Variants in MICALL1 observed in about 807,000 individuals in gnomAD.
MICALL1 encodes the protein MICAL like 1, also known as MICAL-like protein 1.
In MICALL1, 61 loss-of-function variants were observed where a neutral mutation model predicts 83.7. That is an observed-to-expected ratio of 0.73 (90% confidence interval 0.59 to 0.90). The LOEUF is 0.90. MICALL1 is among the 40% of genes least tolerant of loss of function. The probability of loss-of-function intolerance (pLI) is 0.00; values close to 1 mark genes in which losing one functional copy is unlikely to be tolerated. For synonymous variants in MICALL1, 481 were observed against 473.6 expected, an observed-to-expected ratio of 1.02 and a Z score of -0.20; for missense variants, 1,066 against 1,152.0, an observed-to-expected ratio of 0.93 and a Z score of 1.08.
In MICALL1 at chr22:37,931,850, C is replaced by G. The variant is rs1395626781; in HGVS notation, c.1933C>G (p.Pro645Ala). Residue 645 changes from proline to alanine, a missense_variant, in exon 10 of 16, where the codon CCA (proline) becomes GCA (alanine). By Grantham distance (27) the Pro-to-Ala change is conservative. Coordinates refer to ENST00000215957, the MANE Select transcript of MICALL1 (RefSeq NM_033386.4). ...FNRKPSPAASPATKKATKGSK... is the reference protein window; with the variant it reads ...FNRKPSPAASAATKKATKGSK... ...CCGGAAGCCATCACCTGCAGCGTCC[C>G]CAGCCACAAAGAAGGCCACCAAGGG... 1 of 1,614,032 alleles carries G rather than the reference C, an allele frequency of 6.2e-7. No homozygotes were observed. Among genetic ancestry groups the G allele is most frequent in the Non-Finnish European group, 8.5e-7 (1 of 1,180,034 alleles).
chr22:37,937,672 C>T, intron 14 of MICALL1, 74 bp from the exon 15 acceptor site: 2 of 1,525,366 alleles, frequency 1.3e-6, no homozygotes, highest in Non-Finnish European at 1.8e-6. Flanking sequence ...GATCCACCCA[C>T]CTTGGCCTCC....
At chr22:37,939,424 C>T (rs960375138) in intron 15 of MICALL1, among the ~76,000 whole-genome samples, 16 of 152,252 alleles carry the variant, frequency 1.1e-4, no homozygotes, top group African/African-American at 3.6e-4. Context: ...GCTCTGACAG[C>T]GTTTGTGTTG....
At chr22:37,909,722 C>A (rs559792350) in intron 1 of MICALL1, among the ~76,000 whole-genome samples, 1 of 152,192 alleles carries the variant, frequency 6.6e-6, no homozygotes, top group Non-Finnish European at 1.5e-5. Context: ...AGGGTGGCTC[C>A]GCTTCTGAGA....
At chr22:37,934,383 G>T (rs990786943) in intron 13 of MICALL1, among the ~76,000 whole-genome samples, 1 of 152,032 alleles carries the variant, frequency 6.6e-6, no homozygotes, top group African/African-American at 2.4e-5. Flanking sequence ...TGTAGACTGG[G>T]GACATAACTT....
intron 3 of MICALL1, among the ~76,000 whole-genome samples, chr22:37,916,585 C>A (rs964976371): frequency 5.3e-5 from 8 of 152,156 alleles, no homozygotes; most frequent in Non-Finnish European, 1.2e-4. Flanking sequence ...TTGGAGCCTG[C>A]CCCTGGCTGA....
Position 37,925,853 on chromosome 22 carries a change from C to T in MICALL1, c.1275C>T (p.Asn425=). The stretch of plus-strand genomic sequence containing the variant: ...CCAGCCTGGAGTCCAAACCCTATAA[C>T]CCCTTTGAGGAGGAGGAGGAGGACA... ...PTASLESKPY[N]PFEEEEEDKE... is the part of the protein sequence containing the mutation. Residue 425 remains asparagine, a synonymous_variant, in exon 8 of 16, where the codon AAC becomes AAT. Transcript: ENST00000215957. 3 of 1,613,932 alleles carry T rather than the reference C, an allele frequency of 1.9e-6. No homozygotes were observed. Among genetic ancestry groups the T allele is most frequent in the South Asian group, 1.1e-5 (1 of 91,084 alleles).
Position 37,927,404 on chromosome 22 carries a change from C to T in MICALL1, c.1466-7C>T, listed in dbSNP as rs747553706. 19 of 1,567,166 alleles carry T rather than the reference C, an allele frequency of 1.2e-5. No individual in the cohort carries two copies. The highest frequency in any genetic ancestry group is 8.6e-5 in the Admixed American group (5 of 58,052). On this transcript the variant is annotated splice_region_variant and splice_polypyrimidine_tract_variant and intron_variant, in intron 8 of 15. Transcript: ENST00000215957. ...CTTGTGAGGTGTCCTGGTGCTCGTCCGCACAGCTCTCCACGCCTCCCGCCT... is the reference window on the plus strand; with the variant it reads ...CTTGTGAGGTGTCCTGGTGCTCGTCTGCACAGCTCTCCACGCCTCCCGCCT...
intron 1 of MICALL1, among the ~76,000 whole-genome samples, chr22:37,909,380 A>G (rs1254974694): frequency 8.5e-6 from 1 of 117,194 alleles, no homozygotes; most frequent in African/African-American, 3.5e-5. Context: ...TTTTTTTGAG[A>G]CGGAGTCTCG....
chr22:37,937,259 T>C (rs527881947), intron 14 of MICALL1, 65 bp downstream of exon 14: 15 of 1,109,946 alleles, frequency 1.4e-5, no homozygotes, highest in Non-Finnish European at 1.7e-5. Flanking sequence ...CTGGGCCTCA[T>C]GGGTGGGGCA....
chr22:37,908,088 A>C (rs1265819258), intron 1 of MICALL1, among the ~76,000 whole-genome samples: 4 of 152,062 alleles, frequency 2.6e-5, no homozygotes, highest in Non-Finnish European at 5.9e-5. Context: ...GCATCAAAGT[A>C]AATAAAGGCC....
Position 37,937,801 on chromosome 22 carries a change from C to G in MICALL1, c.2470+9C>G, listed in dbSNP as rs1278043130. 1.2e-6 allele frequency: 2 copies of G among 1,613,148 alleles called. No individual in the cohort carries two copies. The highest frequency in any genetic ancestry group is 2.7e-5 in the African/African-American group (2 of 74,884). On this transcript the variant is annotated intron_variant, in intron 15 of 15. Coordinates refer to ENST00000215957, the MANE Select transcript of MICALL1 (RefSeq NM_033386.4). The stretch of plus-strand genomic sequence containing the variant: ...CATGATCAAGAAGAAAGGTGAGGCC[C>G]TTGCTGGGGATGAGGCTGGTGAGCA...
At chr22:37,911,644 A>T (rs1032009587) in intron 1 of MICALL1, among the ~76,000 whole-genome samples, 9 of 152,248 alleles carry the variant, frequency 5.9e-5, no homozygotes, top group African/African-American at 2.2e-4. Context: ...GAGGCAAAGG[A>T]TCTTAAGCTT....
chr22:37,932,585 C>T lies in MICALL1; in HGVS notation c.2049C>T (p.Asp683=). The change falls in exon 11 of 16, where the codon GAC becomes GAT. Residue 683 remains aspartate, a synonymous_variant. Transcript: ENST00000215957. The surrounding 1 kb of genome is among the most constrained non-coding windows in gnomAD (Gnocchi z 4.4). ...CTGACCAGTACATCCCTGAGGAGGA[C>T]ATCCATGGAGAGATGGATACCATTG... ...VQADQYIPEE[D]IHGEMDTIER... 3 of 1,614,196 alleles carry T rather than the reference C, an allele frequency of 1.9e-6. No individual in the cohort carries two copies. Among genetic ancestry groups the T allele is most frequent in the Non-Finnish European group, 2.5e-6 (3 of 1,180,026 alleles).
chr22:37,922,350 C>T lies in MICALL1; in HGVS notation c.948C>T (p.Pro316=). 6 of 1,528,746 alleles carry T rather than the reference C, an allele frequency of 3.9e-6. No individual in the cohort carries two copies. Among genetic ancestry groups the T allele is most frequent in the Non-Finnish European group, 5.3e-6 (6 of 1,139,744 alleles). The allele number at this position is 1,528,746 out of a possible 1,614,324, so 94.7% of individuals were successfully genotyped here. Residue 316 remains proline, a synonymous_variant, in exon 6 of 16, where the codon CCC becomes CCT. Coordinates refer to ENST00000215957, the MANE Select transcript of MICALL1 (RefSeq NM_033386.4). Reference sequence around the variant, plus strand: ...CCTCTGAGAGCACCACCCCAGCACCCCCCACGCCCCGGCCCCGCTCCAGTC... The same window carrying T: ...CCTCTGAGAGCACCACCCCAGCACCTCCCACGCCCCGGCCCCGCTCCAGTC... ...RKASESTTPA[P]PTPRPRSSLQ...
chr22:37,906,666 G>T lies in MICALL1; in HGVS notation c.146+98G>T. The T allele has an allele frequency of 9.4e-7, 1 of 1,063,788 alleles. No individual in the cohort carries two copies. Among genetic ancestry groups the T allele is most frequent in the Non-Finnish European group, 1.2e-6 (1 of 865,862 alleles). The allele number at this position is 1,063,788 out of a possible 1,614,324, so 65.9% of individuals were successfully genotyped here. A position where few individuals can be genotyped will look rare whatever the true frequency, so the allele number is the denominator to read the frequency against. On this transcript the variant is annotated intron_variant, in intron 1 of 15. Transcript: ENST00000215957. This position sits in a 1 kb window ranked among gnomAD's most constrained non-coding sequence, Gnocchi z 4.4. ...ACACGAAGCCCGGGCGGTGACAGGC[G>T]CCGCCCCCGGACACGGAGACGCCGA... is the stretch of plus-strand genomic sequence containing the variant.
chr22:37,936,162 G>C (rs1489094756), intron 13 of MICALL1, among the ~76,000 whole-genome samples: 3 of 152,188 alleles, frequency 2.0e-5, no homozygotes, highest in Non-Finnish European at 4.4e-5. Context: ...GGCCCCTGGG[G>C]GTGGTCCTGT....
intron 3 of MICALL1, among the ~76,000 whole-genome samples, chr22:37,912,786 C>G (rs1182360282): frequency 6.6e-6 from 1 of 151,704 alleles, no homozygotes; most frequent in Non-Finnish European, 1.5e-5. Flanking sequence ...CTCAGACTCC[C>G]AAGTAGCTGG....
intron 5 of MICALL1, among the ~76,000 whole-genome samples, chr22:37,919,584 C>T (rs990116032): frequency 9.0e-5 from 12 of 133,920 alleles, no homozygotes; most frequent in South Asian, 2.3e-4. Context: ...TACAGGAAGC[C>T]GAGATCGTGC....
chr22:37,925,648 C>A lies in MICALL1; in HGVS notation c.1083-13C>A. On this transcript the variant is annotated splice_polypyrimidine_tract_variant and intron_variant, in intron 7 of 15. Coordinates refer to ENST00000215957, the MANE Select transcript of MICALL1 (RefSeq NM_033386.4). ...CTCTGCTAATGGTTTCTGCTGCTTC[C>A]CCCCTCCTCCAGGACACCAGCCCCC... 2.5e-6 allele frequency: 4 copies of A among 1,574,758 alleles called. No homozygotes were observed. Among genetic ancestry groups the A allele is most frequent in the Non-Finnish European group, 3.5e-6 (4 of 1,154,140 alleles).
Sources: gnomAD v4.1 joint callset for allele counts (sites outside exome capture counted in the v4.1 genomes callset) on GRCh38, gnomAD v4.1.1 for gene constraint, Gnocchi (gnomAD v3.1) non-coding constraint, MANE v1.5 for transcripts, NCBI Gene and HGNC (gene_info 2026-07-23, HGNC 2026-07-21) for gene names.